NCALD: variants seen among roughly 807,000 people sequenced by gnomAD.
NCALD encodes the protein neurocalcin delta.
NCALD carries 10 observed loss-of-function variants against 18.6 expected under a neutral mutation model. The observed-to-expected ratio is 0.54, with a 90% CI of 0.33 to 0.91. The LOEUF is 0.91. Ranked by LOEUF, NCALD falls within the 40% of genes least tolerant of loss-of-function variation. The pLI, the probability that NCALD is intolerant of heterozygous loss-of-function variation, is 0.03. For missense variants in NCALD, 184 were observed against 247.6 expected, an observed-to-expected ratio of 0.74 and a Z score of 1.72; for synonymous variants, 88 against 87.4, an observed-to-expected ratio of 1.01 and a Z score of -0.04.
At chr8:101,949,941 G>T (rs1022685208) in intron 2 of NCALD, among the ~76,000 whole-genome samples, 8 of 152,156 alleles carry the variant, frequency 5.3e-5, no homozygotes, top group African/African-American at 1.7e-4. Context: ...CATCCATCAG[G>T]CACTTCATCA....
rs77418767 is a variant in NCALD, at chr8:101,747,055, A to G, written c.-19-27407T>C. ...AGCAGCCAACTCTACGATATCCAGT[A>G]TAAGTGGTTCCAACATGAAACCCAG... On this transcript the variant is annotated intron_variant, in intron 1 of 3. Transcript: ENST00000220931. Among the ~76,000 whole-genome samples the G allele has an allele frequency of 6.8e-4, 104 of 152,326 alleles. 3 individuals carry two copies. In the East Asian group the frequency reaches 0.019, roughly 28 times the overall value.
At chr8:101,984,732 A>G (rs1243423217) in intron 2 of NCALD, among the ~76,000 whole-genome samples, 1 of 152,222 alleles carries the variant, frequency 6.6e-6, no homozygotes, top group Non-Finnish European at 1.5e-5. Flanking sequence ...CTCTTGATTA[A>G]GTTTCCTTTT....
intron 4 of NCALD, among the ~76,000 whole-genome samples, chr8:101,882,639 G>A (rs961966109): frequency 6.6e-6 from 1 of 152,216 alleles, no homozygotes; most frequent in Non-Finnish European, 1.5e-5. Flanking sequence ...AAACAAGGAG[G>A]TTCCTGAAGA....
intron 2 of NCALD, among the ~76,000 whole-genome samples, chr8:101,984,789 T>G (rs1820743031): frequency 6.6e-6 from 1 of 152,190 alleles, no homozygotes; most frequent in African/African-American, 2.4e-5. Context: ...GACTTTTAAG[T>G]CACAGAGAAT....
chr8:101,718,255 CATTT>C (rs951362573), intron 2 of NCALD, among the ~76,000 whole-genome samples: 22 of 152,204 alleles, frequency 1.4e-4, no homozygotes, highest in Non-Finnish European at 1.9e-4. Flanking sequence ...CATTTCATTT[CATTT>C]ATTTATTTAT....
chr8:102,075,024 A>C (rs1011646802), intron 1 of NCALD, among the ~76,000 whole-genome samples: 6 of 152,190 alleles, frequency 3.9e-5, no homozygotes, highest in Admixed American at 1.3e-4. Context: ...AAAAGGAAGG[A>C]GGAAGGGGAA....
intron 1 of NCALD, among the ~76,000 whole-genome samples, chr8:102,035,155 C>A (rs1822817369): frequency 1.3e-5 from 2 of 152,036 alleles, no homozygotes; most frequent in South Asian, 4.2e-4. Context: ...ATGGGCCCCA[C>A]CTTTTTCCTC....
At chr8:101,796,650 A>G (rs1005375161) in intron 4 of NCALD, among the ~76,000 whole-genome samples, 5 of 152,348 alleles carry the variant, frequency 3.3e-5, no homozygotes, top group African/African-American at 1.2e-4. Context: ...TAAGAAGAAT[A>G]GAAAATACAG....
chr8:101,852,926 T>C (rs762355643), intron 4 of NCALD, among the ~76,000 whole-genome samples: 1 of 152,178 alleles, frequency 6.6e-6, no homozygotes, highest in Non-Finnish European at 1.5e-5. Context: ...GTATGAGCCA[T>C]ACAAAATACA....
intron 2 of NCALD, among the ~76,000 whole-genome samples, chr8:101,995,094 A>G (rs904991613): frequency 6.6e-5 from 10 of 152,132 alleles, no homozygotes; most frequent in Non-Finnish European, 1.5e-4. Flanking sequence ...TATTATCTCT[A>G]TTATGGTACA....
At chr8:101,817,654 G>A (rs1433724657) in intron 4 of NCALD, among the ~76,000 whole-genome samples, 1 of 152,050 alleles carries the variant, frequency 6.6e-6, no homozygotes, top group Admixed American at 6.6e-5. Context: ...CGACAATGAG[G>A]ATTTCAGAAT....
At chr8:102,063,347 AT>A (rs1342125022) in intron 1 of NCALD, among the ~76,000 whole-genome samples, 2 of 152,110 alleles carry the variant, frequency 1.3e-5, no homozygotes, top group Non-Finnish European at 2.9e-5. Context: ...ACGCAGATGC[AT>A]TTTTTTAATT....
rs539315913 is a variant in NCALD at position 101,746,987 on chromosome 8, T to C, written c.-19-27339A>G. 7.2e-5 allele frequency among the ~76,000 whole-genome samples: 11 copies of C among 152,206 alleles called. No individual in the cohort carries two copies. The South Asian group carries it at 2.3e-3, about 32-fold the overall frequency. On this transcript the variant is annotated intron_variant, in intron 1 of 3. Transcript: ENST00000220931. ...AATCAAATATGTGCTGAGTAAGAGA[T>C]ATGGCCCAATCTCAATTATGCCATC... is the stretch of plus-strand genomic sequence containing the variant.
intron 4 of NCALD, among the ~76,000 whole-genome samples, chr8:101,819,042 C>T (rs556455927): frequency 2.6e-5 from 4 of 152,124 alleles, no homozygotes; most frequent in South Asian, 2.1e-4. Flanking sequence ...CATCTTTATA[C>T]ATCACTTTTC....
At chr8:102,120,444 C>T (rs1444894425) in intron 1 of NCALD, among the ~76,000 whole-genome samples, 1 of 152,200 alleles carries the variant, frequency 6.6e-6, no homozygotes, top group Non-Finnish European at 1.5e-5. Flanking sequence ...GAGACTTCCA[C>T]TTTCTGGCTG....
chr8:101,947,592 T>C (rs1819226190), intron 2 of NCALD, among the ~76,000 whole-genome samples: 1 of 152,250 alleles, frequency 6.6e-6, no homozygotes, highest in African/African-American at 2.4e-5. Context: ...TATTTGGGGA[T>C]GGACTAAACA....
intron 4 of NCALD, among the ~76,000 whole-genome samples, chr8:101,863,129 G>C (rs771206724): frequency 6.6e-6 from 1 of 152,146 alleles, no homozygotes; most frequent in African/African-American, 2.4e-5. Context: ...CACCTCCTCA[G>C]AACTCCCACC....
intron 2 of NCALD, among the ~76,000 whole-genome samples, chr8:102,018,998 C>T (rs145512319): frequency 3.6e-4 from 55 of 152,200 alleles, no homozygotes; most frequent in African/African-American, 1.3e-3. Context: ...GTAACACATA[C>T]ATCCTACCAA....
At chr8:101,886,157 TG>T (rs1437278638) in intron 4 of NCALD, among the ~76,000 whole-genome samples, 8 of 152,248 alleles carry the variant, frequency 5.3e-5, no homozygotes, top group African/African-American at 1.9e-4. Flanking sequence ...TTAGAAGGAC[TG>T]GACTACCAAA....
Sources: allele counts gnomAD v4.1 joint callset (sites outside exome capture counted in the v4.1 genomes callset), GRCh38; gene constraint gnomAD v4.1.1; transcripts MANE v1.5; gene names NCBI Gene and HGNC (gene_info 2026-07-23, HGNC 2026-07-21).